Variants in CACNG5 observed in about 807,000 individuals in gnomAD.
CACNG5 encodes voltage-dependent calcium channel gamma-5 subunit.
A neutral mutation model predicts 24.8 loss-of-function variants in CACNG5; 18 were observed. That is an observed-to-expected ratio of 0.73 (90% CI 0.50 to 1.08). The LOEUF is 1.08. Ranked by LOEUF, CACNG5 falls within the 50% of genes least tolerant of loss-of-function variation. The pLI, the probability that CACNG5 is intolerant of heterozygous loss-of-function variation, is 0.00. For synonymous variants in CACNG5, 157 were observed against 149.1 expected, an observed-to-expected ratio of 1.05 and a Z score of -0.39; for missense variants, 349 against 367.9, an observed-to-expected ratio of 0.95 and a Z score of 0.42.
intron 1 of CACNG5, among the ~76,000 whole-genome samples, chr17:66,843,528 G>A (rs1469107324): frequency 6.6e-6 from 1 of 152,210 alleles, no homozygotes; most frequent in African/African-American, 2.4e-5. Context: ...TTACCAGGAG[G>A]TAGATGTGGT....
chr17:66,855,007 A>G (rs937918329), intron 1 of CACNG5, among the ~76,000 whole-genome samples: 3 of 152,256 alleles, frequency 2.0e-5, no homozygotes, highest in African/African-American at 7.2e-5. Flanking sequence ...GATATGTGAC[A>G]ATACCAAATG....
chr17:66,857,842 G>C (rs1425235789), intron 1 of CACNG5, among the ~76,000 whole-genome samples: 1 of 152,066 alleles, frequency 6.6e-6, no homozygotes, highest in African/African-American at 2.4e-5. Flanking sequence ...CTAATATCCG[G>C]TCCCAGCCCA....
At chr17:66,853,718 C>T (rs6504465) in intron 1 of CACNG5, among the ~76,000 whole-genome samples, 18,110 of 152,022 alleles carry the variant, frequency 0.12, 1,325 homozygotes, top group African/African-American at 0.19. Context: ...TCAATAAATG[C>T]AGAAAAACAT....
At chr17:66,884,376 C>A in intron 4 of CACNG5, 140 bp from the exon 5 acceptor site, 1 of 825,494 alleles carries the variant, frequency 1.2e-6, no homozygotes, top group Non-Finnish European at 1.9e-6. Context: ...AGTTTCTGCT[C>A]TCCTTTGAAC....
chr17:66,879,200 G>A (rs1207108600), intron 3 of CACNG5, 142 bp downstream of exon 3: 2 of 573,266 alleles, frequency 3.5e-6, no homozygotes, highest in African/African-American at 3.7e-5. Flanking sequence ...AATTAGAGAT[G>A]ATCCACTAGA....
intron 1 of CACNG5, among the ~76,000 whole-genome samples, chr17:66,854,746 T>G (rs1282014480): frequency 2.0e-5 from 3 of 151,912 alleles, no homozygotes; most frequent in Admixed American, 2.0e-4. Context: ...GCAGAACGTT[T>G]CAGCACATAC....
Position 66,880,996 on chromosome 17 carries a change from C to G in CACNG5, c.424+299C>G, listed in dbSNP as rs541397522. 3.9e-5 allele frequency among the ~76,000 whole-genome samples: 6 copies of G among 152,342 alleles called. No homozygotes were observed. The South Asian group carries it at 1.2e-3, about 32-fold the overall frequency. On this transcript the variant is annotated intron_variant, in intron 4 of 5. Coordinates refer to ENST00000533854, the MANE Select transcript of CACNG5 (RefSeq NM_145811.3). Reference sequence around the variant, plus strand: ...TCAAGCAATCCAACTGCCCTGGCCTCCCAAAGTTCTGGGATTACAGGCATG... The same window carrying G: ...TCAAGCAATCCAACTGCCCTGGCCTGCCAAAGTTCTGGGATTACAGGCATG...
chr17:66,840,384 G>A (rs555105230), intron 1 of CACNG5, among the ~76,000 whole-genome samples: 15 of 152,232 alleles, frequency 9.9e-5, no homozygotes, highest in African/African-American at 1.7e-4. Context: ...AGCATCTCCC[G>A]GGATCTTCAG....
At chr17:66,875,377 C>T (rs933844188) in intron 1 of CACNG5, among the ~76,000 whole-genome samples, 21 of 152,192 alleles carry the variant, frequency 1.4e-4, no homozygotes, top group African/African-American at 5.1e-4. Context: ...CTGTGCTCTT[C>T]AGCCTTGCAA....
At chr17:66,842,102 A>G (rs1568061225) in intron 1 of CACNG5, among the ~76,000 whole-genome samples, 1 of 152,136 alleles carries the variant, frequency 6.6e-6, no homozygotes, top group Admixed American at 6.5e-5. Context: ...ACTGCCCACC[A>G]TGCCCTCACC....
chr17:66,889,401 C>G lies in CACNG5; in HGVS notation c.*4161C>G, dbSNP rs139997676. On this transcript the variant is annotated 3_prime_UTR_variant, in exon 6 of 6. Transcript: ENST00000533854. ...GGGGAAATCCATAGGTTGCCACAGGCTTATCAGTGATGTCCCTAGAGAATC... is the reference window on the plus strand; with the variant it reads ...GGGGAAATCCATAGGTTGCCACAGGGTTATCAGTGATGTCCCTAGAGAATC... Among the ~76,000 whole-genome samples, 1 of 152,300 alleles carries G rather than the reference C, an allele frequency of 6.6e-6. No individual in the cohort carries two copies. Among genetic ancestry groups the G allele is most frequent in the East Asian group, 1.9e-4 (1 of 5,182 alleles).
At chr17:66,835,567 CTT>C (rs965485139) in intron 1 of CACNG5, among the ~76,000 whole-genome samples, 14 of 152,330 alleles carry the variant, frequency 9.2e-5, no homozygotes, top group African/African-American at 3.4e-4. Flanking sequence ...TGAGGGCAGA[CTT>C]TTCCACGACG....
chr17:66,854,181 G>A (rs1393221725), intron 1 of CACNG5, among the ~76,000 whole-genome samples: 1 of 152,202 alleles, frequency 6.6e-6, no homozygotes, highest in Non-Finnish European at 1.5e-5. Flanking sequence ...TGTAATCTCA[G>A]CACTTTGGGA....
intron 4 of CACNG5, 120 bp downstream of exon 4, chr17:66,880,817 C>T (rs1459802829): frequency 1.5e-5 from 16 of 1,044,766 alleles, no homozygotes; most frequent in Admixed American, 2.1e-5. Flanking sequence ...TCTTGGCTCA[C>T]TGCAACCTCC....
At chr17:66,837,879 G>C (rs1380595104) in intron 1 of CACNG5, among the ~76,000 whole-genome samples, 1 of 151,936 alleles carries the variant, frequency 6.6e-6, no homozygotes, top group Non-Finnish European at 1.5e-5. Flanking sequence ...CTTGGGGCGA[G>C]GGGGAAGGGG....
At chr17:66,839,141 T>C (rs1157062828) in intron 1 of CACNG5, among the ~76,000 whole-genome samples, 1 of 151,828 alleles carries the variant, frequency 6.6e-6, no homozygotes, top group Non-Finnish European at 1.5e-5. Context: ...TTTATATTTT[T>C]AGTAGAGATG....
In CACNG5 at chr17:66,885,576, AC is replaced by A. The variant is rs145561761; in HGVS notation, c.*342del. ...TGTTCCCTTTGTATATTCTTCCTGC[AC>A]CCCCCAACTTCATGGCCCTGGGCCA... On this transcript the variant is annotated 3_prime_UTR_variant, in exon 6 of 6. Coordinates refer to ENST00000533854, the MANE Select transcript of CACNG5 (RefSeq NM_145811.3). 0.013 allele frequency: 3,626 copies of A among 272,272 alleles called. 128 individuals carry two copies. Among genetic ancestry groups the A allele is most frequent in the African/African-American group, 0.075 (3,398 of 45,448 alleles). The allele number at this position is 272,272 out of a possible 1,614,324, so 16.9% of individuals were successfully genotyped here. A position where few individuals can be genotyped will look rare whatever the true frequency, so the allele number is the denominator to read the frequency against.
chr17:66,885,456 T>C lies in CACNG5; in HGVS notation c.*216T>C. ...CTGGAGTCTGTGGGCAAGCTGATTG[T>C]CTGGGAACATGGGAGAAGCCCCGCC... is the stretch of plus-strand genomic sequence containing the variant. On this transcript the variant is annotated 3_prime_UTR_variant, in exon 6 of 6. Coordinates refer to ENST00000533854, the MANE Select transcript of CACNG5 (RefSeq NM_145811.3). 3.5e-6 allele frequency: 2 copies of C among 575,452 alleles called. No individual in the cohort carries two copies. The highest frequency in any genetic ancestry group is 5.9e-6 in the Non-Finnish European group (2 of 338,430). 35.6% of individuals were successfully genotyped at this position (575,452 alleles called of 1,614,324 possible).
chr17:66,867,920 G>C (rs369531386), intron 1 of CACNG5, among the ~76,000 whole-genome samples: 1 of 152,140 alleles, frequency 6.6e-6, no homozygotes, highest in African/African-American at 2.4e-5. Context: ...CTTCAGCTTT[G>C]TTCTTTTTGC....
Sources: allele counts gnomAD v4.1 joint callset (sites outside exome capture counted in the v4.1 genomes callset), GRCh38; gene constraint gnomAD v4.1.1; transcripts MANE v1.5; gene names NCBI Gene and HGNC (gene_info 2026-07-23, HGNC 2026-07-21).